PDE3B: variants seen among roughly 807,000 people sequenced by gnomAD.
PDE3B encodes cGMP-inhibited 3',5'-cyclic phosphodiesterase 3B.
Under a neutral mutation model 116.8 loss-of-function variants are expected in PDE3B, and 66 were observed. That is an observed-to-expected ratio of 0.56 (90% CI 0.46 to 0.69). The LOEUF (loss-of-function observed/expected upper bound fraction) is 0.69. PDE3B is among the 30% of genes least tolerant of loss of function. The pLI, the probability that PDE3B is intolerant of heterozygous loss-of-function variation, is 0.00. For missense variants in PDE3B, 1,384 were observed against 1,368.1 expected, an observed-to-expected ratio of 1.01 and a Z score of -0.18; for synonymous variants, 595 against 533.6, an observed-to-expected ratio of 1.12 and a Z score of -1.59.
At chr11:14,664,962 A>C (rs543251242) in intron 1 of PDE3B, among the ~76,000 whole-genome samples, 11 of 152,248 alleles carry the variant, frequency 7.2e-5, no homozygotes, top group East Asian at 1.9e-4. Context: ...GAGACACAAC[A>C]AAAAAAGAGA....
rs544136102 is a variant in PDE3B at position 14,831,705 on chromosome 11, G to A, written c.2022G>A (p.Met674Ile). 3.8e-6 allele frequency: 6 copies of A among 1,598,470 alleles called. No homozygotes were observed. In the African/African-American group the frequency reaches 6.7e-5, roughly 18 times the overall value. Residue 674 changes from methionine to isoleucine, a missense_variant, in exon 9 of 16, where the codon ATG becomes ATA. Coordinates refer to ENST00000282096, the MANE Select transcript of PDE3B (RefSeq NM_000922.4). ...AGTATGACTCATTAATAGAAAAGAT[G>A]AGCAACTGGAATTTTCCAATTTTTG... The part of the protein sequence containing the change: ...VEEYDSLIEK[M>I]SNWNFPIFEL...
At chr11:14,693,623 T>C (rs1050425479) in intron 1 of PDE3B, among the ~76,000 whole-genome samples, 5 of 152,204 alleles carry the variant, frequency 3.3e-5, no homozygotes, top group African/African-American at 9.6e-5. Context: ...GTTTACTGAA[T>C]ATTTTAAGTC....
chr11:14,796,329 A>G (rs991998097), intron 4 of PDE3B, among the ~76,000 whole-genome samples: 1 of 152,150 alleles, frequency 6.6e-6, no homozygotes, highest in South Asian at 2.1e-4. Flanking sequence ...AGCAATAAAT[A>G]TACATGTGCA....
At chr11:14,711,703 C>A (rs1590080227) in intron 1 of PDE3B, among the ~76,000 whole-genome samples, 1 of 152,310 alleles carries the variant, frequency 6.6e-6, no homozygotes, top group East Asian at 1.9e-4. Context: ...CAGGTCCCAC[C>A]TCCAACATTG....
intron 1 of PDE3B, among the ~76,000 whole-genome samples, chr11:14,764,348 T>G (rs1305653762): frequency 1.3e-5 from 2 of 152,104 alleles, no homozygotes; most frequent in African/African-American, 4.8e-5. Flanking sequence ...TCTTAGGTGT[T>G]GCAGAATATA....
At chr11:14,834,080 A>G (rs1408264448) in intron 10 of PDE3B, among the ~76,000 whole-genome samples, 1 of 152,206 alleles carries the variant, frequency 6.6e-6, no homozygotes, top group Admixed American at 6.5e-5. Context: ...CACGTATCAG[A>G]ATTCATGACA....
chr11:14,786,586 C>T lies in PDE3B; in HGVS notation c.1179C>T (p.Ser393=), dbSNP rs751474115. ...GCTTAATGGGTGCTTTCTCAGGTTC[C>T]TGTAGGCCAAAGATTAATCCTCTCA... ...ISSLMGAFSG[S]CRPKINPLTP... The change falls in exon 3 of 16, where the codon TCC becomes TCT. Residue 393 remains serine (S), a synonymous_variant. Transcript: ENST00000282096. The T allele has an allele frequency of 3.1e-6, 5 of 1,613,086 alleles. No homozygotes were observed. In the South Asian group the frequency reaches 5.5e-5, roughly 18 times the overall value.
At chr11:14,845,955 C>A (rs1332806172) in intron 12 of PDE3B, among the ~76,000 whole-genome samples, 4 of 152,258 alleles carry the variant, frequency 2.6e-5, no homozygotes, top group Admixed American at 6.5e-5. Flanking sequence ...TCTAGCAAGG[C>A]AGGCCAACAT....
At chr11:14,749,290 C>G (rs1159336498) in intron 1 of PDE3B, among the ~76,000 whole-genome samples, 4 of 152,134 alleles carry the variant, frequency 2.6e-5, no homozygotes, top group Admixed American at 2.6e-4. Context: ...TGAAGATCAT[C>G]TAGTCTGGCC....
intron 12 of PDE3B, among the ~76,000 whole-genome samples, chr11:14,850,344 G>A (rs1322932986): frequency 2.0e-5 from 3 of 152,066 alleles, no homozygotes; most frequent in South Asian, 4.2e-4. Flanking sequence ...GTTGTAGGGT[G>A]GGGGAAGGGG....
intron 1 of PDE3B, among the ~76,000 whole-genome samples, chr11:14,703,643 G>T (rs780377131): frequency 6.6e-6 from 1 of 151,464 alleles, no homozygotes; most frequent in Non-Finnish European, 1.5e-5. Flanking sequence ...TTGATGTCCA[G>T]GTAACACTAG....
intron 1 of PDE3B, among the ~76,000 whole-genome samples, chr11:14,709,815 C>A (rs575271171): frequency 4.6e-5 from 7 of 152,116 alleles, no homozygotes; most frequent in Admixed American, 2.0e-4. Flanking sequence ...TTGTTGTTTT[C>A]AGTTATATAT....
Position 14,869,675 on chromosome 11 carries a change from A to AAAG in PDE3B, c.*18_*20dup. On this transcript the variant is annotated 3_prime_UTR_variant, in exon 16 of 16. Transcript: ENST00000282096. ...AAGAGGAATAGCGACAGTTTGAGTA[A>AAAG]AAGAAAAGTCATATTGAAGAAGCCC... 1.9e-6 allele frequency: 3 copies of AAAG among 1,607,808 alleles called. No homozygotes were observed. Among genetic ancestry groups the AAAG allele is most frequent in the Non-Finnish European group, 2.6e-6 (3 of 1,175,868 alleles).
At chr11:14,818,142 A>G (rs1327108515) in intron 5 of PDE3B, 41 bp from the exon 6 acceptor site, 1 of 1,295,536 alleles carries the variant, frequency 7.7e-7, no homozygotes, top group South Asian at 1.2e-5. Context: ...ACACATAAAT[A>G]CATTCTTATT....
At position 14,798,407 on chromosome 11, in the gene PDE3B, C is replaced by G. The variant is rs140231465; in HGVS notation, c.1416-5537C>G. On this transcript the variant is annotated intron_variant, in intron 4 of 15. Transcript: ENST00000282096. ...CTGAAATTTTCTTTTTTTGTTGTGT[C>G]TCTTCCAGGTTTTGGTATCAGGATG... Among the ~76,000 whole-genome samples, 486 of 152,178 alleles carry G rather than the reference C, an allele frequency of 3.2e-3. 1 individual carries two copies. The highest frequency in any genetic ancestry group is 0.014 in the Middle Eastern group (4 of 294).
chr11:14,770,218 TCTGTTTTCACTC>T (rs1254693704), intron 1 of PDE3B, among the ~76,000 whole-genome samples: 1 of 151,306 alleles, frequency 6.6e-6, no homozygotes, highest in Non-Finnish European at 1.5e-5. Context: ...ATCGTATGGC[TCTGTTTTCACTC>T]CTGTCTATTC....
At chr11:14,729,067 G>T (rs1219911204) in intron 1 of PDE3B, among the ~76,000 whole-genome samples, 1 of 152,148 alleles carries the variant, frequency 6.6e-6, no homozygotes, top group Non-Finnish European at 1.5e-5. Flanking sequence ...CCCTGAGTTA[G>T]AGAATCTTCC....
intron 2 of PDE3B, among the ~76,000 whole-genome samples, chr11:14,785,199 A>G (rs1395225715): frequency 6.6e-6 from 1 of 152,176 alleles, no homozygotes; most frequent in Non-Finnish European, 1.5e-5. Flanking sequence ...ATTTGCATTC[A>G]GCAATTCAGA....
At position 14,843,958 on chromosome 11, in the gene PDE3B, G is replaced by C. The variant is rs1219968130; in HGVS notation, c.2452G>C (p.Ala818Pro). ...AGAATTGATGGCTCTATACGTGGCA[G>C]CTGCCATGCATGATTATGATCACCC... ...ALELMALYVA[A>P]AMHDYDHPGR... Residue 818 changes from alanine (A) to proline (P), a missense_variant, in exon 12 of 16, where the codon GCT (alanine) becomes CCT (proline). By Grantham distance (27) the Ala-to-Pro change is conservative (BLOSUM62 -1). Around this residue, in one of 2 missense-constraint regions of PDE3B, gnomAD observed 428 missense variants for 561.4 expected, o/e 0.76. Transcript: ENST00000282096. 21 of 1,613,980 alleles carry C rather than the reference G, an allele frequency of 1.3e-5. No homozygotes were observed. Among genetic ancestry groups the C allele is most frequent in the Non-Finnish European group, 1.7e-5 (20 of 1,179,984 alleles).
Sources: gnomAD v4.1 joint callset for allele counts (sites outside exome capture counted in the v4.1 genomes callset) on GRCh38, gnomAD v4.1.1 for gene constraint, gnomAD v4.1.1 regional missense constraint, MANE v1.5 for transcripts, NCBI Gene and HGNC (gene_info 2026-07-23, HGNC 2026-07-21) for gene names.